Variants in SLC49A4 observed in about 807,000 individuals in gnomAD.
The protein encoded by SLC49A4 is solute carrier family 49 member 4, also known as disrupted in renal cancer protein 2.
Under a neutral mutation model 50.6 loss-of-function variants are expected in SLC49A4, and 36 were observed. That is an observed-to-expected ratio of 0.71 (90% CI 0.55 to 0.94). The LOEUF (loss-of-function observed/expected upper bound fraction) is 0.94, where lower values mean the gene tolerates loss of function less well. Ranked by LOEUF, SLC49A4 falls within the 40% of genes least tolerant of loss-of-function variation. The probability of loss-of-function intolerance (pLI) is 0.00; values close to 1 mark genes in which losing one functional copy is unlikely to be tolerated. For synonymous variants in SLC49A4, 248 were observed against 241.2 expected (o/e 1.03, Z -0.26); for missense variants, 503 against 605.7 (o/e 0.83, Z 1.78).
rs1448102246 is a variant in SLC49A4 at position 122,860,313 on chromosome 3, C to CA, written c.1138+117dup. ...TTTCTGTAAGTAATTGTTAAATATACAAAAAAGTTTCTCTTGTCCAGTCAT... is the reference window on the plus strand; with the variant it reads ...TTTCTGTAAGTAATTGTTAAATATACAAAAAAAGTTTCTCTTGTCCAGTCAT... On this transcript the variant is annotated intron_variant, in intron 7 of 8. Coordinates refer to ENST00000261038, the MANE Select transcript of SLC49A4 (RefSeq NM_032839.3). The CA allele has an allele frequency of 5.3e-6, 6 of 1,130,110 alleles. No homozygotes were observed. In the African/African-American group the frequency reaches 9.8e-5, roughly 18 times the overall value. The allele number at this position is 1,130,110 out of a possible 1,614,324, so 70.0% of individuals were successfully genotyped here. A position where few individuals can be genotyped will look rare whatever the true frequency, so the allele number is the denominator to read the frequency against.
rs555693256 is a variant in SLC49A4, at chr3:122,867,433, C to T, written c.1139-4982C>T. On this transcript the variant is annotated intron_variant, in intron 7 of 8. Transcript: ENST00000261038. ...TATTTCTAAATAAGCTGTTTTTTTA[C>T]TTTCAGAACTTTGGTCACTTCAACT... Among the ~76,000 whole-genome samples, 11 of 152,242 alleles carry T rather than the reference C, an allele frequency of 7.2e-5. No individual in the cohort carries two copies. In the South Asian group the frequency reaches 2.3e-3, roughly 32 times the overall value.
intron 2 of SLC49A4, among the ~76,000 whole-genome samples, chr3:122,808,219 C>T (rs917579668): frequency 5.3e-5 from 8 of 152,090 alleles, no homozygotes; most frequent in Non-Finnish European, 1.0e-4. Flanking sequence ...ATGTACATTA[C>T]ATGACATACT....
intron 5 of SLC49A4, among the ~76,000 whole-genome samples, chr3:122,848,340 CTGTT>C (rs984889268): frequency 5.9e-5 from 9 of 152,126 alleles, no homozygotes; most frequent in East Asian, 1.9e-4. Flanking sequence ...TTCCTTTAGT[CTGTT>C]TGTCTGTCCC....
At chr3:122,807,635 T>C (rs1378410347) in intron 2 of SLC49A4, among the ~76,000 whole-genome samples, 3 of 152,198 alleles carry the variant, frequency 2.0e-5, no homozygotes, top group Non-Finnish European at 4.4e-5. Context: ...TTGACCAGGA[T>C]GTTAATTTCT....
chr3:122,859,206 G>T (rs769347001), intron 6 of SLC49A4, among the ~76,000 whole-genome samples: 3 of 152,286 alleles, frequency 2.0e-5, no homozygotes, highest in South Asian at 4.1e-4. Context: ...GGAGTAAGAC[G>T]TGAAGATCCG....
At chr3:122,813,441 A>G (rs975995797) in intron 2 of SLC49A4, among the ~76,000 whole-genome samples, 5 of 152,140 alleles carry the variant, frequency 3.3e-5, no homozygotes, top group African/African-American at 1.2e-4. Flanking sequence ...CATGTGTATC[A>G]TCAGACTGAT....
At chr3:122,797,109 A>G (rs1936053818) in intron 1 of SLC49A4, among the ~76,000 whole-genome samples, 1 of 152,194 alleles carries the variant, frequency 6.6e-6, no homozygotes, top group African/African-American at 2.4e-5. Flanking sequence ...AAAAAGACTA[A>G]GGAATAGTTG....
At chr3:122,838,418 A>C (rs1936721336) in intron 4 of SLC49A4, among the ~76,000 whole-genome samples, 1 of 152,138 alleles carries the variant, frequency 6.6e-6, no homozygotes, top group Admixed American at 6.5e-5. Flanking sequence ...GACATGGATG[A>C]AGCTGGAAAC....
chr3:122,864,710 A>G (rs532792859), intron 7 of SLC49A4, among the ~76,000 whole-genome samples: 31 of 152,294 alleles, frequency 2.0e-4, no homozygotes, highest in Admixed American at 1.9e-3. Flanking sequence ...AAACATACCC[A>G]GTTGTATTGA....
chr3:122,842,642 A>G (rs925719097), intron 4 of SLC49A4, among the ~76,000 whole-genome samples: 1 of 152,160 alleles, frequency 6.6e-6, no homozygotes, highest in Non-Finnish European at 1.5e-5. Flanking sequence ...CCAAGAAGTT[A>G]TGTACAGGAT....
intron 7 of SLC49A4, among the ~76,000 whole-genome samples, chr3:122,862,897 C>T (rs759911301): frequency 4.6e-5 from 7 of 151,912 alleles, no homozygotes; most frequent in African/African-American, 1.2e-4. Flanking sequence ...ATTTTATAAT[C>T]GGAAAAATGC....
chr3:122,856,902 G>GT (rs1281521546), intron 6 of SLC49A4, among the ~76,000 whole-genome samples: 3 of 151,640 alleles, frequency 2.0e-5, no homozygotes, highest in South Asian at 4.2e-4. Flanking sequence ...TTCCTCAAGT[G>GT]TTTTTTTCTG....
intron 7 of SLC49A4, among the ~76,000 whole-genome samples, chr3:122,870,365 A>C (rs1172217009): frequency 1.3e-5 from 2 of 151,290 alleles, no homozygotes; most frequent in African/African-American, 4.8e-5. Flanking sequence ...TTAAAAAAAA[A>C]CTTTATTATT....
At chr3:122,827,170 G>A in intron 3 of SLC49A4, 105 bp downstream of exon 3, 9 of 1,255,862 alleles carry the variant, frequency 7.2e-6, no homozygotes, top group Non-Finnish European at 9.8e-6. Context: ...TACTTGAGAG[G>A]ACTAATATGT....
rs1038004662 is a variant in SLC49A4 at position 122,880,186 on chromosome 3, G to A, written c.*808G>A. The stretch of plus-strand genomic sequence containing the variant: ...AAATGACAAGTCACATGGACATACT[G>A]TGTCTTCTGCCTGTATATGGTGGCA... On this transcript the variant is annotated 3_prime_UTR_variant, in exon 9 of 9. Coordinates refer to ENST00000261038, the MANE Select transcript of SLC49A4 (RefSeq NM_032839.3). 1 of 152,228 alleles carries A rather than the reference G, an allele frequency of 6.6e-6. No homozygotes were observed. Among genetic ancestry groups the A allele is most frequent in the African/African-American group, 2.4e-5 (1 of 41,458 alleles). 9.4% of individuals were successfully genotyped at this position (152,228 alleles called of 1,614,324 possible).
At chr3:122,828,163 G>A (rs561934837) in intron 3 of SLC49A4, among the ~76,000 whole-genome samples, 23 of 152,268 alleles carry the variant, frequency 1.5e-4, no homozygotes, top group Middle Eastern at 6.8e-3. Flanking sequence ...TGTTTTGAAC[G>A]CCTATGTATC....
At chr3:122,826,202 A>G (rs761549522) in intron 2 of SLC49A4, among the ~76,000 whole-genome samples, 2 of 152,176 alleles carry the variant, frequency 1.3e-5, no homozygotes, top group Non-Finnish European at 2.9e-5. Context: ...TTCCTCAACT[A>G]CCTTTTCTAT....
chr3:122,796,052 G>A (rs1560186855), intron 1 of SLC49A4, among the ~76,000 whole-genome samples: 1 of 152,296 alleles, frequency 6.6e-6, no homozygotes, highest in East Asian at 1.9e-4. Context: ...GGTGGTGCTC[G>A]GCAGCTTTAA....
At chr3:122,873,368 CG>C (rs1219892568) in intron 8 of SLC49A4, among the ~76,000 whole-genome samples, 3 of 151,886 alleles carry the variant, frequency 2.0e-5, no homozygotes, top group Non-Finnish European at 4.4e-5. Context: ...TTAGTAGAGA[CG>C]GGGTTTCACT....
Sources: allele counts gnomAD v4.1 joint callset (sites outside exome capture counted in the v4.1 genomes callset), GRCh38; gene constraint gnomAD v4.1.1; transcripts MANE v1.5; gene names NCBI Gene and HGNC (gene_info 2026-07-23, HGNC 2026-07-21).